Variants in MAN1A1 observed in about 807,000 individuals in gnomAD.
MAN1A1 encodes the protein mannosidase alpha class 1A member 1, also known as mannosyl-oligosaccharide 1,2-alpha-mannosidase IA.
MAN1A1 carries 29 observed loss-of-function variants against 70.8 expected under a neutral mutation model. The observed-to-expected ratio is 0.41, with a 90% CI of 0.31 to 0.56. The LOEUF (loss-of-function observed/expected upper bound fraction) is 0.56, where lower values mean the gene tolerates loss of function less well. Among genes scored for constraint, MAN1A1 ranks in the 20% least tolerant of loss-of-function variants. The pLI, the probability that MAN1A1 is intolerant of heterozygous loss-of-function variation, is 0.29. For synonymous variants in MAN1A1, 349 were observed against 330.1 expected (o/e 1.06, Z -0.62); for missense variants, 747 against 841.3 (o/e 0.89, Z 1.39).
At chr6:119,314,505 C>T (rs1449437323) in intron 2 of MAN1A1, among the ~76,000 whole-genome samples, 2 of 152,164 alleles carry the variant, frequency 1.3e-5, no homozygotes, top group African/African-American at 2.4e-5. Flanking sequence ...ATTATTATCC[C>T]TGTTTTACAT....
chr6:119,223,237 A>C (rs1307651766), intron 6 of MAN1A1, among the ~76,000 whole-genome samples: 1 of 152,130 alleles, frequency 6.6e-6, no homozygotes, highest in Non-Finnish European at 1.5e-5. Flanking sequence ...TACTCATTCT[A>C]CTATTTTGGT....
At chr6:119,249,161 C>T (rs1218381869) in intron 5 of MAN1A1, among the ~76,000 whole-genome samples, 6 of 152,020 alleles carry the variant, frequency 3.9e-5, no homozygotes, top group African/African-American at 9.7e-5. Flanking sequence ...AGCCTCCTCC[C>T]GACAGAAGGC....
At chr6:119,340,038 A>G (rs1241477761) in intron 2 of MAN1A1, among the ~76,000 whole-genome samples, 1 of 152,130 alleles carries the variant, frequency 6.6e-6, no homozygotes, top group Non-Finnish European at 1.5e-5. Context: ...TTGCAGCAAG[A>G]CAAGATTGCA....
Position 119,193,850 on chromosome 6 carries a change from T to C in MAN1A1, c.1253A>G (p.Tyr418Cys). ...AGACATTAACCAGGCCTTCAGCAAATACTCATAGAAGCTGTCTCCAAGTCC... is the reference window on the plus strand; with the variant it reads ...AGACATTAACCAGGCCTTCAGCAAACACTCATAGAAGCTGTCTCCAAGTCC... ...VGGLGDSFYEYLLKAWLMSDK... is the reference protein window; with the variant it reads ...VGGLGDSFYECLLKAWLMSDK... Residue 418 changes from tyrosine to cysteine, a missense_variant, in exon 9 of 13, where the codon TAT becomes TGT. By Grantham distance (194) the Tyr-to-Cys change is radical. Around this residue, in one of 2 missense-constraint regions of MAN1A1, gnomAD observed 419 missense variants for 548.2 expected, o/e 0.76. Coordinates refer to ENST00000368468, the MANE Select transcript of MAN1A1 (RefSeq NM_005907.4). 1 of 1,613,646 alleles carries C rather than the reference T, an allele frequency of 6.2e-7. No homozygotes were observed.
At chr6:119,189,595 C>T (rs1773383204) in intron 10 of MAN1A1, 69 bp downstream of exon 10, 4 of 1,423,122 alleles carry the variant, frequency 2.8e-6, no homozygotes, top group Non-Finnish European at 4.0e-6. Flanking sequence ...TTGAGGGCAG[C>T]AATGACAAAA....
At position 119,267,508 on chromosome 6, in the gene MAN1A1, T is replaced by A. The variant is rs563882706; in HGVS notation, c.898-19154A>T. Among the ~76,000 whole-genome samples the A allele has an allele frequency of 6.6e-5, 10 of 152,292 alleles. No individual in the cohort carries two copies. In the East Asian group the frequency reaches 1.9e-3, roughly 29 times the overall value. On this transcript the variant is annotated intron_variant, in intron 5 of 12. Coordinates refer to ENST00000368468, the MANE Select transcript of MAN1A1 (RefSeq NM_005907.4). ...TAACCTTTTAAAAATTATGTAGTTA[T>A]TTCAAAATATTTTTAATTAAAAAGA...
chr6:119,312,297 T>G (rs2114460280), intron 2 of MAN1A1, among the ~76,000 whole-genome samples: 1 of 152,350 alleles, frequency 6.6e-6, no homozygotes, highest in African/African-American at 2.4e-5. Flanking sequence ...CAAACTTTGC[T>G]TAAAATTACT....
At chr6:119,268,237 G>A (rs1398268960) in intron 5 of MAN1A1, among the ~76,000 whole-genome samples, 5 of 152,180 alleles carry the variant, frequency 3.3e-5, no homozygotes, top group Non-Finnish European at 7.3e-5. Context: ...GTTCATACAG[G>A]AGGGGCAAGA....
At chr6:119,214,505 C>T (rs1177431874) in intron 6 of MAN1A1, among the ~76,000 whole-genome samples, 1 of 151,984 alleles carries the variant, frequency 6.6e-6, no homozygotes, top group East Asian at 1.9e-4. Context: ...AAAAACATCA[C>T]TATGGTATTT....
chr6:119,328,513 A>T (rs195060), intron 2 of MAN1A1, among the ~76,000 whole-genome samples: 1 of 152,170 alleles, frequency 6.6e-6, no homozygotes, highest in Admixed American at 6.5e-5. Flanking sequence ...CTAAGAAAGT[A>T]GTAAGTAGGT....
intron 5 of MAN1A1, among the ~76,000 whole-genome samples, chr6:119,267,583 G>C (rs1191460853): frequency 6.6e-6 from 1 of 152,128 alleles, no homozygotes; most frequent in Non-Finnish European, 1.5e-5. Flanking sequence ...GTATAGCCTA[G>C]TGTAACATTA....
At chr6:119,254,588 A>G (rs1030515585) in intron 5 of MAN1A1, among the ~76,000 whole-genome samples, 4 of 152,216 alleles carry the variant, frequency 2.6e-5, no homozygotes, top group African/African-American at 9.6e-5. Flanking sequence ...TTATAAAGTT[A>G]AGAGAGTCAG....
At chr6:119,216,345 G>C (rs1212381073) in intron 6 of MAN1A1, among the ~76,000 whole-genome samples, 1 of 152,160 alleles carries the variant, frequency 6.6e-6, no homozygotes, top group Non-Finnish European at 1.5e-5. Context: ...GGCCTGGTCT[G>C]GGTGCTGATA....
chr6:119,338,936 T>C (rs981308186), intron 2 of MAN1A1, among the ~76,000 whole-genome samples: 2 of 152,214 alleles, frequency 1.3e-5, no homozygotes, highest in Non-Finnish European at 2.9e-5. Context: ...TCCACGTTCA[T>C]TGAGCCGGCT....
chr6:119,266,537 T>C (rs998899312), intron 5 of MAN1A1, among the ~76,000 whole-genome samples: 2 of 122,566 alleles, frequency 1.6e-5, no homozygotes, highest in African/African-American at 2.7e-5. Flanking sequence ...CATATACACA[T>C]ACAAAAAAAA....
intron 4 of MAN1A1, among the ~76,000 whole-genome samples, chr6:119,299,416 G>A (rs965194994): frequency 6.6e-6 from 1 of 151,986 alleles, no homozygotes; most frequent in African/African-American, 2.4e-5. Flanking sequence ...AAAGACATTT[G>A]AGAAATATGG....
chr6:119,255,005 A>G (rs1202179720), intron 5 of MAN1A1, among the ~76,000 whole-genome samples: 28 of 152,218 alleles, frequency 1.8e-4, no homozygotes, highest in Admixed American at 1.8e-3. Context: ...CAAAATTTAA[A>G]ATCTATCAAA....
At chr6:119,207,988 CTAA>C (rs1773928245) in intron 6 of MAN1A1, among the ~76,000 whole-genome samples, 2 of 152,016 alleles carry the variant, frequency 1.3e-5, no homozygotes, top group African/African-American at 4.8e-5. Flanking sequence ...TTTATAAAAA[CTAA>C]TAATATTTAG....
rs983145626 is a variant in MAN1A1, at chr6:119,218,108, A to T, written c.993-13226T>A. 5.3e-5 allele frequency among the ~76,000 whole-genome samples: 8 copies of T among 152,318 alleles called. No homozygotes were observed. In the East Asian group the frequency reaches 1.5e-3, roughly 29 times the overall value. On this transcript the variant is annotated intron_variant, in intron 6 of 12. Coordinates refer to ENST00000368468, the MANE Select transcript of MAN1A1 (RefSeq NM_005907.4). ...TGGTCATCCTAATGGTTTTAGAAAG[A>T]GCTTTTTATACATTAAGAAAACTTG...
Sources: allele counts gnomAD v4.1 joint callset (sites outside exome capture counted in the v4.1 genomes callset), GRCh38; gene constraint gnomAD v4.1.1; regional missense constraint gnomAD v4.1.1; transcripts MANE v1.5; gene names NCBI Gene and HGNC (gene_info 2026-07-23, HGNC 2026-07-21).